STX2: variants seen among roughly 807,000 people sequenced by gnomAD.
STX2 encodes syntaxin 2, also known as syntaxin-2.
In STX2, 27 loss-of-function variants were observed where a neutral mutation model predicts 40.6. The ratio of observed to expected loss-of-function variants is 0.66; its 90% CI spans 0.49 to 0.92. STX2 has a LOEUF of 0.92. Ranked by LOEUF, STX2 falls within the 40% of genes least tolerant of loss-of-function variation. STX2 has a pLI of 0.00. For synonymous variants in STX2, 123 were observed against 119.1 expected (o/e 1.03, Z -0.22); for missense variants, 328 against 366.1 (o/e 0.90, Z 0.85).
At chr12:130,829,110 G>A (rs190735752) in intron 1 of STX2, among the ~76,000 whole-genome samples, 128 of 152,154 alleles carry the variant, frequency 8.4e-4, no homozygotes, top group Non-Finnish European at 1.7e-3. Flanking sequence ...CCCACCATGA[G>A]GCAGGTGCTG....
chr12:130,801,529 C>A, intron 6 of STX2, 41 bp from the exon 7 acceptor site: 1 of 1,514,326 alleles, frequency 6.6e-7, no homozygotes, highest in Non-Finnish European at 8.9e-7. Flanking sequence ...GAATGCAGCA[C>A]AATTTAAAAA....
At chr12:130,825,123 G>A (rs376079168) in intron 2 of STX2, among the ~76,000 whole-genome samples, 27 of 146,460 alleles carry the variant, frequency 1.8e-4, no homozygotes, top group Non-Finnish European at 3.1e-4. Context: ...TGCAACCTCC[G>A]CCTCCCAGGT....
chr12:130,797,502 G>A (rs1374629062), intron 9 of STX2, among the ~76,000 whole-genome samples: 1 of 151,632 alleles, frequency 6.6e-6, no homozygotes, highest in Non-Finnish European at 1.5e-5. Context: ...GGGGGTGTGA[G>A]TGAGGGTGTG....
intron 6 of STX2, among the ~76,000 whole-genome samples, chr12:130,804,650 TG>T (rs903746561): frequency 5.3e-5 from 8 of 152,168 alleles, no homozygotes; most frequent in Admixed American, 3.3e-4. Context: ...TTCGAGAAAC[TG>T]GATTTGTTAG....
At chr12:130,809,555 G>A (rs947332123) in intron 4 of STX2, among the ~76,000 whole-genome samples, 2 of 152,168 alleles carry the variant, frequency 1.3e-5, no homozygotes, top group Non-Finnish European at 1.5e-5. Flanking sequence ...AGTGGCTCAC[G>A]CCTGTAATCC....
chr12:130,797,115 C>T (rs1951054437), intron 9 of STX2, among the ~76,000 whole-genome samples: 1 of 152,200 alleles, frequency 6.6e-6, no homozygotes, highest in Non-Finnish European at 1.5e-5. Flanking sequence ...ACGCCAGCTA[C>T]CGCACAGACC....
intron 1 of STX2, among the ~76,000 whole-genome samples, chr12:130,827,684 G>C (rs117114586): frequency 1.3e-5 from 2 of 152,200 alleles, no homozygotes; most frequent in Non-Finnish European, 2.9e-5. Context: ...GAGGCTGAGG[G>C]GGGCAGAATG....
In STX2 at chr12:130,797,559, G is replaced by A. The variant is rs564135138; in HGVS notation, c.786+966C>T. On this transcript the variant is annotated intron_variant, in intron 9 of 10. Coordinates refer to ENST00000392373, the MANE Select transcript of STX2 (RefSeq NM_194356.4). The stretch of plus-strand genomic sequence containing the variant: ...CCCGGGGGTGCGTCTCAGGGCCATC[G>A]CCTGGAGGTGCATCCACACACACCG... 1.4e-4 allele frequency among the ~76,000 whole-genome samples: 22 copies of A among 152,282 alleles called. No homozygotes were observed. In the East Asian group the frequency reaches 2.1e-3, roughly 15 times the overall value.
At chr12:130,817,850 G>A (rs1460653197) in intron 3 of STX2, among the ~76,000 whole-genome samples, 1 of 151,572 alleles carries the variant, frequency 6.6e-6, no homozygotes, top group Non-Finnish European at 1.5e-5. Flanking sequence ...CTAAACTGAG[G>A]ATAATTTCAG....
chr12:130,811,839 C>G (rs1284265878), intron 4 of STX2, among the ~76,000 whole-genome samples: 1 of 152,188 alleles, frequency 6.6e-6, no homozygotes, highest in Non-Finnish European at 1.5e-5. Flanking sequence ...CGTGCCAGGC[C>G]ACCATTAACA....
At chr12:130,821,663 T>C (rs1340133568) in intron 3 of STX2, 26 bp downstream of exon 3, 11 of 1,580,296 alleles carry the variant, frequency 7.0e-6, no homozygotes, top group African/African-American at 2.7e-5. Context: ...CAGACAAACG[T>C]TTTGTTGTGA....
At position 130,821,094 on chromosome 12, in the gene STX2, C is replaced by T. The variant is rs150489977; in HGVS notation, c.205+595G>A. 9.4e-3 allele frequency among the ~76,000 whole-genome samples: 1,434 copies of T among 152,284 alleles called. 14 individuals carry two copies. The highest frequency in any genetic ancestry group is 0.018 in the South Asian group (89 of 4,828). On this transcript the variant is annotated intron_variant, in intron 3 of 10. Transcript: ENST00000392373. ...CGGGGAAGCAAATTGAGACAAAAAT[C>T]CAGGTTCTCCAGCTGCTTCCACTGA...
intron 3 of STX2, among the ~76,000 whole-genome samples, chr12:130,816,433 A>G (rs113044421): frequency 6.6e-6 from 1 of 152,324 alleles, no homozygotes; most frequent in African/African-American, 2.4e-5. Context: ...TGAGCAACTC[A>G]TCAGCAAAAC....
At chr12:130,814,430 T>C (rs566703304) in intron 3 of STX2, among the ~76,000 whole-genome samples, 2 of 151,818 alleles carry the variant, frequency 1.3e-5, no homozygotes, top group Non-Finnish European at 1.5e-5. Context: ...TGGCTTCCAT[T>C]CCAGGCAGAA....
intron 6 of STX2, among the ~76,000 whole-genome samples, chr12:130,803,408 C>T (rs1951300873): frequency 6.6e-6 from 1 of 152,054 alleles, no homozygotes; most frequent in Admixed American, 6.5e-5. Context: ...TTTTGCTTTG[C>T]TTTTTTAAAA....
At chr12:130,836,746 C>CA (rs1233235596) in intron 1 of STX2, among the ~76,000 whole-genome samples, 7 of 152,182 alleles carry the variant, frequency 4.6e-5, no homozygotes, top group Admixed American at 3.9e-4. Context: ...CCACTGTCCC[C>CA]ATTTCACGTA....
At chr12:130,818,218 A>ATATAT (rs1565924788) in intron 3 of STX2, among the ~76,000 whole-genome samples, 1 of 126,956 alleles carries the variant, frequency 7.9e-6, no homozygotes, top group Non-Finnish European at 1.6e-5. Flanking sequence ...ATATATATAT[A>ATATAT]AAATTATCTG....
intron 3 of STX2, among the ~76,000 whole-genome samples, chr12:130,814,627 CTTTTTT>C (rs5801936): frequency 2.4e-4 from 12 of 49,264 alleles, no homozygotes; most frequent in African/African-American, 8.3e-4. Flanking sequence ...ATTAGAAAGA[CTTTTTT>C]TTTTTTTTTT....
chr12:130,829,490 G>A (rs552068056), intron 1 of STX2, among the ~76,000 whole-genome samples: 7 of 148,962 alleles, frequency 4.7e-5, no homozygotes, highest in African/African-American at 9.8e-5. Flanking sequence ...GATGGGATGC[G>A]GGGAGGAGCT....
Sources: allele counts gnomAD v4.1 joint callset (sites outside exome capture counted in the v4.1 genomes callset), GRCh38; gene constraint gnomAD v4.1.1; transcripts MANE v1.5; gene names NCBI Gene and HGNC (gene_info 2026-07-23, HGNC 2026-07-21).